ABRAXAS2: variants seen among roughly 807,000 people sequenced by gnomAD.
The protein encoded by ABRAXAS2 is abraxas 2, BRISC complex subunit.
A neutral mutation model predicts 49.0 loss-of-function variants in ABRAXAS2; 23 were observed. The observed-to-expected ratio is 0.47, with a 90% CI of 0.34 to 0.66. The LOEUF is 0.66. Ranked by LOEUF, ABRAXAS2 falls within the 30% of genes least tolerant of loss-of-function variation. The pLI, the probability that ABRAXAS2 is intolerant of heterozygous loss-of-function variation, is 0.01. For missense variants in ABRAXAS2, 443 were observed against 511.9 expected (o/e 0.87, Z 1.30); for synonymous variants, 168 against 180.2 (o/e 0.93, Z 0.54).
chr10:124,835,541 A>G lies in ABRAXAS2; in HGVS notation c.*570A>G, dbSNP rs1045513897. 1.3e-5 allele frequency: 2 copies of G among 152,592 alleles called. No homozygotes were observed. Among genetic ancestry groups the G allele is most frequent in the Non-Finnish European group, 2.9e-5 (2 of 68,036 alleles). The allele number at this position is 152,592 out of a possible 1,614,324, so 9.5% of individuals were successfully genotyped here. On this transcript the variant is annotated 3_prime_UTR_variant, in exon 9 of 9. Transcript: ENST00000298492. ...TGTGAGATAAAAGAGAGGGCTTCCA[A>G]CTTTTTTCTACTAGCTTGATATGTA...
intron 2 of ABRAXAS2, among the ~76,000 whole-genome samples, chr10:124,807,679 T>C (rs1950756029): frequency 6.6e-6 from 1 of 152,288 alleles, no homozygotes; most frequent in South Asian, 2.1e-4. Context: ...TTTATGTCAG[T>C]ATAAAGTCAG....
At chr10:124,819,318 G>A in intron 3 of ABRAXAS2, 66 bp from the exon 4 acceptor site, 1 of 1,332,850 alleles carries the variant, frequency 7.5e-7, no homozygotes, top group South Asian at 1.2e-5. Context: ...ACAGGCATAT[G>A]CAGCCAAGCA....
At chr10:124,812,214 A>G (rs1564919873) in intron 2 of ABRAXAS2, among the ~76,000 whole-genome samples, 4 of 152,362 alleles carry the variant, frequency 2.6e-5, no homozygotes, top group African/African-American at 2.4e-5. Flanking sequence ...CTGTTAGTAC[A>G]GGGCCATGAC....
chr10:124,833,238 A>G (rs1050027829), intron 8 of ABRAXAS2, among the ~76,000 whole-genome samples: 2 of 150,908 alleles, frequency 1.3e-5, no homozygotes, highest in African/African-American at 4.9e-5. Flanking sequence ...AGGCCGAGGC[A>G]GGTGGATCAC....
intron 4 of ABRAXAS2, among the ~76,000 whole-genome samples, chr10:124,825,363 G>C (rs1172147205): frequency 6.6e-6 from 1 of 151,382 alleles, no homozygotes; most frequent in Non-Finnish European, 1.5e-5. Flanking sequence ...GAAAGGCTTG[G>C]GTTTTCTTTT....
At chr10:124,806,700 T>C in intron 1 of ABRAXAS2, 131 bp from the exon 2 acceptor site, 2 of 596,982 alleles carry the variant, frequency 3.4e-6, no homozygotes, top group Non-Finnish European at 3.0e-6. Flanking sequence ...GTTTATAGAA[T>C]AGTGGTTTAC....
At chr10:124,803,971 C>G (rs1950724033) in intron 1 of ABRAXAS2, among the ~76,000 whole-genome samples, 1 of 152,152 alleles carries the variant, frequency 6.6e-6, no homozygotes, top group East Asian at 1.9e-4. Context: ...AGTCCCCATG[C>G]CATAGTTTGC....
chr10:124,832,887 C>T lies in ABRAXAS2; in HGVS notation c.778+1424C>T, dbSNP rs140340962. The stretch of plus-strand genomic sequence containing the variant: ...AAGAGGCCGGGCATGCTGGCTCACA[C>T]GTGTAATCCCAGCACTTTGGGAGAC... On this transcript the variant is annotated intron_variant, in intron 8 of 8. Coordinates refer to ENST00000298492, the MANE Select transcript of ABRAXAS2 (RefSeq NM_032182.4). Among the ~76,000 whole-genome samples the T allele has an allele frequency of 1.7e-4, 26 of 151,666 alleles. No individual in the cohort carries two copies. The East Asian group carries it at 5.0e-3, about 29-fold the overall frequency.
At chr10:124,823,473 C>A (rs756407790) in intron 4 of ABRAXAS2, among the ~76,000 whole-genome samples, 1 of 152,158 alleles carries the variant, frequency 6.6e-6, no homozygotes, top group South Asian at 2.1e-4. Flanking sequence ...TAGGCTAAGG[C>A]CAAACAAAGC....
intron 8 of ABRAXAS2, among the ~76,000 whole-genome samples, chr10:124,834,064 C>A (rs545245639): frequency 1.8e-4 from 27 of 152,272 alleles, no homozygotes; most frequent in African/African-American, 6.0e-4. Flanking sequence ...TCTCACATTT[C>A]CATTCCGTGT....
intron 4 of ABRAXAS2, among the ~76,000 whole-genome samples, chr10:124,822,842 G>A (rs1950870984): frequency 6.6e-6 from 1 of 151,766 alleles, no homozygotes; most frequent in African/African-American, 2.4e-5. Context: ...CTAGTAGGTA[G>A]GGACACATTT....
chr10:124,820,014 A>G (rs1336681606), intron 4 of ABRAXAS2, among the ~76,000 whole-genome samples: 1 of 152,198 alleles, frequency 6.6e-6, no homozygotes, highest in African/African-American at 2.4e-5. Flanking sequence ...ACCTTGGGAT[A>G]TTAATTCTAT....
At chr10:124,806,018 C>T (rs11245371) in intron 1 of ABRAXAS2, among the ~76,000 whole-genome samples, 1 of 151,976 alleles carries the variant, frequency 6.6e-6, no homozygotes, top group Non-Finnish European at 1.5e-5. Flanking sequence ...GAAAAAGGTT[C>T]GGCTGGGCAC....
At chr10:124,818,695 G>A (rs1458293921) in intron 3 of ABRAXAS2, among the ~76,000 whole-genome samples, 2 of 152,162 alleles carry the variant, frequency 1.3e-5, no homozygotes, top group Non-Finnish European at 2.9e-5. Context: ...CCAAGCCCAT[G>A]TCCAGTAGTA....
At chr10:124,810,552 A>G (rs982230201) in intron 2 of ABRAXAS2, among the ~76,000 whole-genome samples, 2 of 151,614 alleles carry the variant, frequency 1.3e-5, no homozygotes, top group Non-Finnish European at 2.9e-5. Context: ...GCGATGTGTA[A>G]GACGGTATAG....
chr10:124,811,949 G>A (rs1055846048), intron 2 of ABRAXAS2, among the ~76,000 whole-genome samples: 1 of 151,996 alleles, frequency 6.6e-6, no homozygotes, highest in African/African-American at 2.4e-5. Flanking sequence ...CGCTAATTTT[G>A]TATTTTTAGG....
intron 5 of ABRAXAS2, 144 bp from the exon 6 acceptor site, chr10:124,828,612 G>A (rs1950911651): frequency 1.7e-6 from 1 of 603,582 alleles, no homozygotes; most frequent in Non-Finnish European, 2.7e-6. Context: ...GACCTCAGGT[G>A]ATCTGCCTGC....
At chr10:124,808,910 C>T (rs958133069) in intron 2 of ABRAXAS2, among the ~76,000 whole-genome samples, 12 of 152,138 alleles carry the variant, frequency 7.9e-5, no homozygotes, top group African/African-American at 2.9e-4. Flanking sequence ...TTGGGCGGAT[C>T]GCCCGAGGTT....
intron 2 of ABRAXAS2, among the ~76,000 whole-genome samples, chr10:124,811,784 G>A (rs921572999): frequency 7.9e-6 from 1 of 127,178 alleles, no homozygotes; most frequent in African/African-American, 2.5e-5. Context: ...GTTTTGTTTT[G>A]TTTTGTTTGA....
Sources: allele counts gnomAD v4.1 joint callset (sites outside exome capture counted in the v4.1 genomes callset), GRCh38; gene constraint gnomAD v4.1.1; transcripts MANE v1.5; gene names NCBI Gene and HGNC (gene_info 2026-07-23, HGNC 2026-07-21).